The following CDH6 variants were observed in gnomAD, a reference collection of about 807,000 sequenced individuals.
The protein encoded by CDH6 is cadherin-6.
CDH6 carries 31 observed loss-of-function variants against 78.0 expected under a neutral mutation model. The ratio of observed to expected loss-of-function variants is 0.40; its 90% CI spans 0.30 to 0.54. The LOEUF is 0.54. Among genes scored for constraint, CDH6 ranks in the 20% least tolerant of loss-of-function variants. The probability of loss-of-function intolerance (pLI) is 0.56; values close to 1 mark genes in which losing one functional copy is unlikely to be tolerated. For synonymous variants in CDH6, 376 were observed against 368.8 expected (o/e 1.02, Z -0.23); for missense variants, 724 against 975.9 (o/e 0.74, Z 3.44).
At chr5:31,212,762 GCACACACACACA>G (rs72457836) in intron 1 of CDH6, among the ~76,000 whole-genome samples, 1 of 148,180 alleles carries the variant, frequency 6.7e-6, no homozygotes, top group Non-Finnish European at 1.5e-5. Context: ...ACATGAACGT[GCACACACACACA>G]CACACACACA....
chr5:31,263,520 C>T (rs910750307), intron 1 of CDH6, among the ~76,000 whole-genome samples: 1 of 147,024 alleles, frequency 6.8e-6, no homozygotes, highest in African/African-American at 2.5e-5. Context: ...TGACCTCAGG[C>T]GATCCACCCA....
chr5:31,224,349 A>G (rs1741086033), intron 1 of CDH6, among the ~76,000 whole-genome samples: 5 of 152,174 alleles, frequency 3.3e-5, no homozygotes, highest in Admixed American at 2.0e-4. Context: ...TCCCCACAAC[A>G]TGTGGGAATT....
chr5:31,247,874 C>T (rs1307492062), intron 1 of CDH6, among the ~76,000 whole-genome samples: 2 of 152,088 alleles, frequency 1.3e-5, no homozygotes, highest in East Asian at 3.9e-4. Flanking sequence ...TAAAGGATTC[C>T]TGTAAAATTA....
At position 31,323,230 on chromosome 5, in the gene CDH6, T is replaced by C; in HGVS notation, c.2295T>C (p.Asp765=). Residue 765 remains aspartate, a synonymous_variant, in exon 12 of 12, where the codon GAT becomes GAC. Coordinates refer to ENST00000265071, the MANE Select transcript of CDH6 (RefSeq NM_004932.4). ...SVTTDADQDY[D]YLSDWGPRFK... ...CCACGGATGCAGATCAAGACTATGA[T>C]TACCTTAGTGACTGGGGACCTCGAT... 1 of 1,614,146 alleles carries C rather than the reference T, an allele frequency of 6.2e-7. No individual in the cohort carries two copies. Among genetic ancestry groups the C allele is most frequent in the Non-Finnish European group, 8.5e-7 (1 of 1,180,000 alleles).
Position 31,302,337 on chromosome 5 carries a change from T to C in CDH6, c.999+39T>C, listed in dbSNP as rs183965966. 473 of 1,469,486 alleles carry C rather than the reference T, an allele frequency of 3.2e-4. 2 individuals carry two copies. In the African/African-American group the frequency reaches 5.8e-3, roughly 18 times the overall value. The allele number at this position is 1,469,486 out of a possible 1,614,324, so 91.0% of individuals were successfully genotyped here. ...TTAAACACCATACAGAGTGAACCCA[T>C]TTACTTTTCTCCAGTTCCTAAGTTA... On this transcript the variant is annotated intron_variant, in intron 6 of 11. Transcript: ENST00000265071.
At chr5:31,262,416 G>A (rs896073823) in intron 1 of CDH6, among the ~76,000 whole-genome samples, 9 of 152,126 alleles carry the variant, frequency 5.9e-5, no homozygotes, top group Non-Finnish European at 1.2e-4. Context: ...AAATTTCCGA[G>A]CATACAAACG....
chr5:31,302,931 G>GAAAGAAAGAAAGAAAGAAAGAA (rs1737851674), intron 6 of CDH6, among the ~76,000 whole-genome samples: 1 of 126,768 alleles, frequency 7.9e-6, no homozygotes, highest in African/African-American at 2.6e-5. Context: ...AAGAAAGAAA[G>GAAAGAAAGAAAGAAAGAAAGAA]AAAGAAAGAA....
At chr5:31,316,581 C>A (rs1379771362) in intron 9 of CDH6, among the ~76,000 whole-genome samples, 1 of 152,158 alleles carries the variant, frequency 6.6e-6, no homozygotes, top group African/African-American at 2.4e-5. Flanking sequence ...TTAGTCTCAC[C>A]TTTATTGGAA....
rs1009767180 is a variant in CDH6, at chr5:31,323,956, G to A, written c.*648G>A. On this transcript the variant is annotated 3_prime_UTR_variant, in exon 12 of 12. Coordinates refer to ENST00000265071, the MANE Select transcript of CDH6 (RefSeq NM_004932.4). ...CCAAAAGCAACCACAAACCTAGTAC[G>A]ACTTCATTCCTTCCACTAACTCATA... 7 of 228,382 alleles carry A rather than the reference G, an allele frequency of 3.1e-5. No homozygotes were observed. Among genetic ancestry groups the A allele is most frequent in the African/African-American group, 1.3e-4 (6 of 45,074 alleles). The allele number at this position is 228,382 out of a possible 1,614,324, so 14.1% of individuals were successfully genotyped here.
Position 31,199,484 on chromosome 5 carries a change from A to C in CDH6, c.-129+5598A>C, listed in dbSNP as rs1740271094. On this transcript the variant is annotated intron_variant, in intron 1 of 11. Transcript: ENST00000265071. ...TATATATACACACACATATGTGTAT[A>C]TATGTACACACACATATGTGTATAT... is the stretch of plus-strand genomic sequence containing the variant. Among the ~76,000 whole-genome samples, 4 of 131,118 alleles carry C rather than the reference A, an allele frequency of 3.1e-5. No homozygotes were observed. In the South Asian group the frequency reaches 7.5e-4, roughly 25 times the overall value. The allele number at this position is 131,118 out of a possible 152,430, so 86.0% of individuals were successfully genotyped here.
chr5:31,258,509 G>T (rs558550312), intron 1 of CDH6, among the ~76,000 whole-genome samples: 24 of 152,170 alleles, frequency 1.6e-4, no homozygotes, highest in African/African-American at 5.3e-4. Flanking sequence ...CTAGGGGAGG[G>T]ATAGCATTAG....
chr5:31,236,409 T>C (rs1741455689), intron 1 of CDH6, among the ~76,000 whole-genome samples: 1 of 152,154 alleles, frequency 6.6e-6, no homozygotes, highest in African/African-American at 2.4e-5. Context: ...AGTCCTCTAA[T>C]TGAGAAGGGG....
At chr5:31,292,840 T>TGTGTGC (rs1390495629) in intron 2 of CDH6, among the ~76,000 whole-genome samples, 1 of 14,054 alleles carries the variant, frequency 7.1e-5, no homozygotes, top group African/African-American at 8.9e-4. Flanking sequence ...TATATATATA[T>TGTGTGC]ATATATGTGT....
At chr5:31,312,949 A>ACAC (rs1738198655) in intron 7 of CDH6, among the ~76,000 whole-genome samples, 3 of 151,314 alleles carry the variant, frequency 2.0e-5, no homozygotes, top group Admixed American at 2.0e-4. Context: ...ATACAAGCAC[A>ACAC]CACACACACA....
rs550561038 is a variant in CDH6 at position 31,206,137 on chromosome 5, C to CAGAT, written c.-129+12264_-129+12267dup. 5.5e-3 allele frequency among the ~76,000 whole-genome samples: 715 copies of CAGAT among 129,016 alleles called. 5 individuals are homozygous for CAGAT. The highest frequency in any genetic ancestry group is 8.8e-3 in the Admixed American group (109 of 12,352). 84.6% of individuals were successfully genotyped at this position (129,016 alleles called of 152,430 possible). ...CTGAGATCATAGAATAGATAGATGA[C>CAGAT]AGATAGATAGATAGATGATAGAATA... On this transcript the variant is annotated intron_variant, in intron 1 of 11. Transcript: ENST00000265071.
intron 1 of CDH6, among the ~76,000 whole-genome samples, chr5:31,203,516 C>T (rs1188363008): frequency 2.1e-5 from 3 of 142,202 alleles, no homozygotes; most frequent in South Asian, 2.4e-4. Flanking sequence ...TTTGTTCTTG[C>T]GACAGTTTAC....
Position 31,297,368 on chromosome 5 carries a change from T to A in CDH6, c.603T>A (p.Ile201=), listed in dbSNP as rs1169282973. ...ACAGTGCTAAAGTTGTCTACAGTAT[T>A]CTACAGGGACAGCCCTATTTTTCAG... ...YGNSAKVVYS[I]LQGQPYFSVE... Residue 201 remains isoleucine (I), a synonymous_variant, in exon 4 of 12, where the codon ATT becomes ATA. Transcript: ENST00000265071. 6.2e-7 allele frequency: 1 copy of A among 1,610,746 alleles called. No individual in the cohort carries two copies. The highest frequency in any genetic ancestry group is 1.7e-5 in the Admixed American group (1 of 59,956).
chr5:31,299,699 A>G, intron 5 of CDH6, 68 bp downstream of exon 5: 1 of 1,359,010 alleles, frequency 7.4e-7, no homozygotes, highest in Non-Finnish European at 1.0e-6. Context: ...AAGAATTTTT[A>G]TTTTCCATTG....
intron 1 of CDH6, among the ~76,000 whole-genome samples, chr5:31,231,822 T>A (rs1029292222): frequency 1.3e-5 from 2 of 152,224 alleles, no homozygotes; most frequent in African/African-American, 4.8e-5. Flanking sequence ...GGGATAAATA[T>A]TCAAACCATA....
Sources: gnomAD v4.1 joint callset for allele counts (sites outside exome capture counted in the v4.1 genomes callset) on GRCh38, gnomAD v4.1.1 for gene constraint, MANE v1.5 for transcripts, NCBI Gene and HGNC (gene_info 2026-07-23, HGNC 2026-07-21) for gene names.